The following GRID2IP variants were observed in gnomAD, a reference collection of about 807,000 sequenced individuals.
GRID2IP encodes delphilin.
Under a neutral mutation model 114.3 loss-of-function variants are expected in GRID2IP, and 78 were observed. The ratio of observed to expected loss-of-function variants is 0.68; its 90% CI spans 0.57 to 0.82. The LOEUF is 0.82. Ranked by LOEUF, GRID2IP falls within the 40% of genes least tolerant of loss-of-function variation. The pLI is 0.00. For synonymous variants in GRID2IP, 809 were observed against 724.0 expected (o/e 1.12, Z -1.89); for missense variants, 1,727 against 1,678.5 (o/e 1.03, Z -0.51).
chr7:6,504,956 G>A, intron 14 of GRID2IP, 86 bp from the exon 15 acceptor site: 1 of 1,039,956 alleles, frequency 9.6e-7, no homozygotes, highest in Non-Finnish European at 1.5e-6. Context: ...ACAGCCAACA[G>A]CCACTATCCC....
rs570987358 is a variant in GRID2IP at position 6,506,680 on chromosome 7, TA to T, written c.2545-774del. 0.26 allele frequency among the ~76,000 whole-genome samples: 21,241 copies of T among 80,550 alleles called. 2,515 individuals are homozygous for T. The highest frequency in any genetic ancestry group is 0.33 in the Non-Finnish European group (13,603 of 40,806). 52.8% of individuals were successfully genotyped at this position (80,550 alleles called of 152,430 possible). Reference sequence around the variant, plus strand: ...TATTTGTGCCCTTGTCTCACTGAGGTATTTTTTTTTTTTTTTTTTTAGATAG... The same window carrying T: ...TATTTGTGCCCTTGTCTCACTGAGGTTTTTTTTTTTTTTTTTTTTAGATAG... On this transcript the variant is annotated intron_variant, in intron 13 of 21. Coordinates refer to ENST00000457091, the MANE Select transcript of GRID2IP (RefSeq NM_001145118.2). The surrounding 1 kb of genome is among the most constrained non-coding windows in gnomAD (Gnocchi z 5.2).
At position 6,516,483 on chromosome 7, in the gene GRID2IP, C is replaced by A. The variant is rs551541075; in HGVS notation, c.1269-1954G>T. Among the ~76,000 whole-genome samples, 1 of 152,156 alleles carries A rather than the reference C, an allele frequency of 6.6e-6. No homozygotes were observed. The highest frequency in any genetic ancestry group is 2.4e-5 in the African/African-American group (1 of 41,478). On this transcript the variant is annotated intron_variant, in intron 7 of 21. Transcript: ENST00000457091. This position sits in a 1 kb window ranked among gnomAD's most constrained non-coding sequence, Gnocchi z 4.3. ...CCAAAAGACAAGAGTGTGAGCCCTCCGTTATGCCTGGACAGGGCCACTAGA... is the reference window on the plus strand; with the variant it reads ...CCAAAAGACAAGAGTGTGAGCCCTCAGTTATGCCTGGACAGGGCCACTAGA...
chr7:6,543,978 G>A (rs1025908386), intron 1 of GRID2IP, among the ~76,000 whole-genome samples: 1 of 151,664 alleles, frequency 6.6e-6, no homozygotes, highest in Non-Finnish European at 1.5e-5. Context: ...GGTAATTTTT[G>A]TAGAGATGGG....
At chr7:6,549,766 C>G (rs949053351) in intron 1 of GRID2IP, among the ~76,000 whole-genome samples, 17 of 151,588 alleles carry the variant, frequency 1.1e-4, no homozygotes, top group Admixed American at 1.1e-3. Flanking sequence ...GCACCACAGG[C>G]GCGCGCCACC....
In GRID2IP at chr7:6,506,700, T is replaced by TA. The variant is rs539663538; in HGVS notation, c.2545-794dup. 0.069 allele frequency among the ~76,000 whole-genome samples: 10,165 copies of TA among 147,440 alleles called. 630 individuals carry two copies. Among genetic ancestry groups the TA allele is most frequent in the East Asian group, 0.29 (1,379 of 4,830 alleles). On this transcript the variant is annotated intron_variant, in intron 13 of 21. Transcript: ENST00000457091. This position sits in a 1 kb window ranked among gnomAD's most constrained non-coding sequence, Gnocchi z 5.2. The stretch of plus-strand genomic sequence containing the variant: ...TGAGGTATTTTTTTTTTTTTTTTTT[T>TA]AGATAGGGTCTCACTCTGTACCCCA...
At position 6,508,947 on chromosome 7, in the gene GRID2IP, T is replaced by G; in HGVS notation, c.2127+11A>C. On this transcript the variant is annotated intron_variant, in intron 12 of 21. Coordinates refer to ENST00000457091, the MANE Select transcript of GRID2IP (RefSeq NM_001145118.2). This position sits in a 1 kb window ranked among gnomAD's most constrained non-coding sequence, Gnocchi z 5.6. ...TCACCCGCCTCCCTCCACACCTGCTTGCGTGCCCACCTCCTCGTAGTCGTT... is the reference window on the plus strand; with the variant it reads ...TCACCCGCCTCCCTCCACACCTGCTGGCGTGCCCACCTCCTCGTAGTCGTT... The G allele has an allele frequency of 6.5e-7, 1 of 1,543,258 alleles. No individual in the cohort carries two copies. Among genetic ancestry groups the G allele is most frequent in the Non-Finnish European group, 8.7e-7 (1 of 1,145,838 alleles).
intron 1 of GRID2IP, among the ~76,000 whole-genome samples, chr7:6,542,320 A>AG (rs1426192567): frequency 1.2e-4 from 18 of 149,590 alleles, no homozygotes; most frequent in Admixed American, 3.3e-4. Flanking sequence ...AAAAAAAAAA[A>AG]AAAAAAGAAA....
intron 8 of GRID2IP, among the ~76,000 whole-genome samples, chr7:6,512,231 C>CTTCTTTTTTTTTTTTT (rs1157560127): frequency 1.1e-5 from 1 of 90,194 alleles, no homozygotes; most frequent in African/African-American, 4.6e-5. Flanking sequence ...TTCTTTTCTT[C>CTTCTTTTTTTTTTTTT]TTTTTTTTTT....
At position 6,510,985 on chromosome 7, in the gene GRID2IP, G is replaced by A. The variant is rs776259888; in HGVS notation, c.1478C>T (p.Pro493Leu). 10 of 1,541,628 alleles carry A rather than the reference G, an allele frequency of 6.5e-6. No individual in the cohort carries two copies. The Admixed American group carries it at 8.1e-5, about 12-fold the overall frequency. Reference protein sequence around the residue: ...LESEPTPEPQPRSSLRASSMC... With the variant: ...LESEPTPEPQLRSSLRASSMC... Reference sequence around the variant, plus strand: ...GGAGGAAGCCCGCAGGGAGCTCCGCGGCTGGGGCTCAGGCGTGGGCTCGGA... The same window carrying A: ...GGAGGAAGCCCGCAGGGAGCTCCGCAGCTGGGGCTCAGGCGTGGGCTCGGA... Residue 493 changes from proline (P) to leucine (L), a missense_variant, in exon 9 of 22, where the codon CCG becomes CTG. Transcript: ENST00000457091.
In GRID2IP at chr7:6,520,672, G is replaced by T; in HGVS notation, c.1174C>A (p.Gln392Lys). ...AEILPSSIRV[Q>K]GRTFSQQLEH... is the part of the protein sequence containing the mutation. ...AGCTGCTGGCTGAAGGTCCTCCCTT[G>T]GACCCGGATGCTGGACGGCAGGATC... Residue 392 changes from glutamine (Q) to lysine (K), a missense_variant, in exon 7 of 22, where the codon CAA becomes AAA. Gln to Lys is a moderately conservative substitution (Grantham distance 53). Transcript: ENST00000457091. This position sits in a 1 kb window ranked among gnomAD's most constrained non-coding sequence, Gnocchi z 4.6. The T allele has an allele frequency of 2.6e-6, 4 of 1,551,712 alleles. No homozygotes were observed. In the African/African-American group the frequency reaches 5.5e-5, roughly 21 times the overall value.
In GRID2IP at chr7:6,503,616, G is replaced by A. The variant is rs1373226562; in HGVS notation, c.2782C>T (p.Arg928Cys). 6.5e-7 allele frequency: 1 copy of A among 1,528,884 alleles called. No homozygotes were observed. The highest frequency in any genetic ancestry group is 1.2e-5 in the South Asian group (1 of 83,442). 94.7% of individuals were successfully genotyped at this position (1,528,884 alleles called of 1,614,324 possible). ...RQVLMSMEPRRLEPAHLAQLL... is the reference protein window; with the variant it reads ...RQVLMSMEPRCLEPAHLAQLL... ...TGCGCGAGATGTGCGGGCTCCAGGCGCCGGGGCTCCATGCTCATCAGCACC... is the reference window on the plus strand; with the variant it reads ...TGCGCGAGATGTGCGGGCTCCAGGCACCGGGGCTCCATGCTCATCAGCACC... Residue 928 changes from arginine (R) to cysteine (C), a missense_variant, in exon 16 of 22, where the codon CGC (arginine) becomes TGC (cysteine). Physicochemically the swap from Arg to Cys is radical, Grantham distance 180. Transcript: ENST00000457091.
chr7:6,531,087 C>T (rs1779612466), intron 2 of GRID2IP: 1 of 585,946 alleles, frequency 1.7e-6, no homozygotes. Flanking sequence ...CGAGAGAAGC[C>T]CTGGTCCTTC....
chr7:6,508,377 T>C lies in GRID2IP; in HGVS notation c.2152A>G (p.Ser718Gly). 6.4e-7 allele frequency: 1 copy of C among 1,551,418 alleles called. No homozygotes were observed. Among genetic ancestry groups the C allele is most frequent in the African/African-American group, 1.4e-5 (1 of 73,106 alleles). Residue 718 changes from serine to glycine, a missense_variant, in exon 13 of 22, where the codon AGC (serine) becomes GGC (glycine). Transcript: ENST00000457091. The surrounding 1 kb of genome is among the most constrained non-coding windows in gnomAD (Gnocchi z 5.6). ...EEMSFHDDQGSFVTNERSSAS... is the reference protein window; with the variant it reads ...EEMSFHDDQGGFVTNERSSAS... ...CTGCTCCGCTCATTGGTTACGAAGC[T>C]GCCCTGGTCATCATGGAAGCTCATC...
chr7:6,505,959 T>A (rs370583494), intron 13 of GRID2IP, 52 bp from the exon 14 acceptor site: 1 of 1,299,234 alleles, frequency 7.7e-7, no homozygotes, highest in Non-Finnish European at 1.1e-6. Context: ...GCAGCTGGAC[T>A]GGCCTCCCAC....
At position 6,503,690 on chromosome 7, in the gene GRID2IP, G is replaced by A; in HGVS notation, c.2711-3C>T. 6.8e-7 allele frequency: 1 copy of A among 1,477,264 alleles called. No individual in the cohort carries two copies. The highest frequency in any genetic ancestry group is 8.9e-7 in the Non-Finnish European group (1 of 1,120,628). 91.5% of individuals were successfully genotyped at this position (1,477,264 alleles called of 1,614,324 possible). A position where few individuals can be genotyped will look rare whatever the true frequency, so the allele number is the denominator to read the frequency against. ...CTTCAGGTGTGCCAAGAGGATGGCTGCGGGCGGGGCGGGGCGGTGAGCTGG... is the reference window on the plus strand; with the variant it reads ...CTTCAGGTGTGCCAAGAGGATGGCTACGGGCGGGGCGGGGCGGTGAGCTGG... On this transcript the variant is annotated splice_region_variant and splice_polypyrimidine_tract_variant and intron_variant, in intron 15 of 21. Coordinates refer to ENST00000457091, the MANE Select transcript of GRID2IP (RefSeq NM_001145118.2).
chr7:6,544,799 C>G (rs1007129305), intron 1 of GRID2IP, among the ~76,000 whole-genome samples: 1 of 151,838 alleles, frequency 6.6e-6, no homozygotes. Context: ...AAATGAAAGA[C>G]AGCCGGGCGC....
At chr7:6,502,232 CTT>C in intron 18 of GRID2IP, 114 bp from the exon 19 acceptor site, 2 of 980,720 alleles carry the variant, frequency 2.0e-6, no homozygotes, top group Non-Finnish European at 3.0e-6. Context: ...GGCGCCCCCA[CTT>C]TTTTTTTAAT....
At position 6,496,858 on chromosome 7, in the gene GRID2IP, G is replaced by A. The variant is rs538198407; in HGVS notation, c.*916C>T. On this transcript the variant is annotated 3_prime_UTR_variant, in exon 22 of 22. Transcript: ENST00000457091. ...CACACCCTCCCTCCCTGCCCACCAC[G>A]CCACCTGCTCCTGCTCCTGGTATCC... Among the ~76,000 whole-genome samples, 7 of 150,686 alleles carry A rather than the reference G, an allele frequency of 4.6e-5. No individual in the cohort carries two copies. The South Asian group carries it at 1.3e-3, about 27-fold the overall frequency.
At position 6,506,504 on chromosome 7, in the gene GRID2IP, A is replaced by G. The variant is rs1583334755; in HGVS notation, c.2545-597T>C. Among the ~76,000 whole-genome samples, 1 of 152,140 alleles carries G rather than the reference A, an allele frequency of 6.6e-6. No individual in the cohort carries two copies. On this transcript the variant is annotated intron_variant, in intron 13 of 21. Transcript: ENST00000457091. This position sits in a 1 kb window ranked among gnomAD's most constrained non-coding sequence, Gnocchi z 5.2. ...TAGAACATGGCTGCAGGGCAGGGAC[A>G]CTGAGGATGGATTTGGGTTTGGCCA...
Sources: allele counts gnomAD v4.1 joint callset (sites outside exome capture counted in the v4.1 genomes callset), GRCh38; gene constraint gnomAD v4.1.1; non-coding constraint Gnocchi (gnomAD v3.1); transcripts MANE v1.5; gene names NCBI Gene and HGNC (gene_info 2026-07-23, HGNC 2026-07-21).